Variants in IWS1 observed in about 807,000 individuals in gnomAD.
IWS1 encodes the protein protein IWS1 homolog.
Under a neutral mutation model 86.7 loss-of-function variants are expected in IWS1, and 27 were observed. The observed-to-expected ratio is 0.31, with a 90% CI of 0.23 to 0.43. The LOEUF is 0.43. Ranked by LOEUF, IWS1 falls within the 20% of genes least tolerant of loss-of-function variation. The probability of loss-of-function intolerance (pLI) is 1.00; values close to 1 mark genes in which losing one functional copy is unlikely to be tolerated. For synonymous variants in IWS1, 313 were observed against 335.1 expected (o/e 0.93, Z 0.72); for missense variants, 827 against 1,000.8 (o/e 0.83, Z 2.34).
Position 127,504,754 on chromosome 2 carries a change from C to G in IWS1, c.1149G>C (p.Glu383Asp). ...TCTTCGCTACTTTCTCCTCCTCACC[C>G]TCTTTTTCATCTTCATCACTGTCCA... is the stretch of plus-strand genomic sequence containing the variant. ...QKMDSDEDEK[E>D]GEEEKVAKRK... The change falls in exon 3 of 14, where the codon GAG becomes GAC. Residue 383 changes from glutamate (E) to aspartate (D), a missense_variant. This residue lies in a region of IWS1 where 548 missense variants were observed against 560.2 expected (regional missense o/e 0.98). Coordinates refer to ENST00000295321, the MANE Select transcript of IWS1 (RefSeq NM_017969.3). The G allele has an allele frequency of 6.2e-7, 1 of 1,614,124 alleles. No individual in the cohort carries two copies. Among genetic ancestry groups the G allele is most frequent in the Non-Finnish European group, 8.5e-7 (1 of 1,180,022 alleles).
At chr2:127,526,704 AGATTCTGTGTCC>A, upstream of IWS1, 1 of 1,304,748 alleles carries the variant, frequency 7.7e-7, no homozygotes, top group Non-Finnish European at 1.0e-6. Flanking sequence ...ATCATTTCCT[AGATTCTGTGTCC>A]GTGCCTTGTT....
Position 127,498,157 on chromosome 2 carries a change from G to A in IWS1, c.1548C>T (p.Asn516=). 2 of 1,582,248 alleles carry A rather than the reference G, an allele frequency of 1.3e-6. No individual in the cohort carries two copies. The highest frequency in any genetic ancestry group is 1.7e-6 in the Non-Finnish European group (2 of 1,151,620). ...AAACTTACTGTTTTCCTCTCTTTATGTTATCATCAGAATCTGAATCTTCTG... is the reference window on the plus strand; with the variant it reads ...AAACTTACTGTTTTCCTCTCTTTATATTATCATCAGAATCTGAATCTTCTG... ...KEAEDSDSDD[N]IKRGKHMDFL... is the part of the protein sequence containing the mutation. The change falls in exon 6 of 14, where the codon AAC becomes AAT. Residue 516 remains asparagine (N), a synonymous_variant. Transcript: ENST00000295321.
intron 2 of IWS1, among the ~76,000 whole-genome samples, chr2:127,515,123 T>C (rs1023825361): frequency 1.2e-4 from 18 of 152,378 alleles, no homozygotes; most frequent in African/African-American, 4.3e-4. Context: ...TGTTGAGTAT[T>C]TGTTTCCTTT....
chr2:127,504,166 TTAGA>T (rs1690974730), intron 3 of IWS1, among the ~76,000 whole-genome samples: 1 of 152,254 alleles, frequency 6.6e-6, no homozygotes, highest in Admixed American at 6.5e-5. Flanking sequence ...AAATGGAGTC[TTAGA>T]TAGCAGAGAC....
At chr2:127,521,518 A>G (rs971631383) in intron 2 of IWS1, among the ~76,000 whole-genome samples, 2 of 152,244 alleles carry the variant, frequency 1.3e-5, no homozygotes, top group African/African-American at 4.8e-5. Context: ...CGCATTTCAT[A>G]CATCTAATCT....
chr2:127,505,203 C>A lies in IWS1; in HGVS notation c.700G>T (p.Ala234Ser). ...SESEEPPRHQASDSENEELPK... is the reference protein window; with the variant it reads ...SESEEPPRHQSSDSENEELPK... ...AGCTCCTCATTTTCAGAGTCACTGGCCTGGTGCCTTGGGGGTTCCTCACTT... is the reference window on the plus strand; with the variant it reads ...AGCTCCTCATTTTCAGAGTCACTGGACTGGTGCCTTGGGGGTTCCTCACTT... Residue 234 changes from alanine (A) to serine (S), a missense_variant, in exon 3 of 14, where the codon GCC becomes TCC. This residue lies in a region of IWS1 where 548 missense variants were observed against 560.2 expected (regional missense o/e 0.98). Coordinates refer to ENST00000295321, the MANE Select transcript of IWS1 (RefSeq NM_017969.3). This position sits in a 1 kb window ranked among gnomAD's most constrained non-coding sequence, Gnocchi z 5.0. The A allele has an allele frequency of 6.2e-7, 1 of 1,614,012 alleles. No homozygotes were observed. Among genetic ancestry groups the A allele is most frequent in the Non-Finnish European group, 8.5e-7 (1 of 1,179,964 alleles).
intron 1 of IWS1, among the ~76,000 whole-genome samples, chr2:127,524,790 C>A (rs953330043): frequency 6.6e-6 from 1 of 151,984 alleles, no homozygotes; most frequent in Non-Finnish European, 1.5e-5. Context: ...TGTTTGCCAC[C>A]GTGCTCGGTC....
In IWS1 at chr2:127,505,879, T is replaced by G; in HGVS notation, c.151-127A>C. Reference sequence around the variant, plus strand: ...TATGTGCACCTAAATGGAGAATTCTTGTCCTATACCCATATAGAAACACCC... The same window carrying G: ...TATGTGCACCTAAATGGAGAATTCTGGTCCTATACCCATATAGAAACACCC... On this transcript the variant is annotated intron_variant, in intron 2 of 13. Transcript: ENST00000295321. The surrounding 1 kb of genome is among the most constrained non-coding windows in gnomAD (Gnocchi z 5.0). 9.5e-6 allele frequency: 6 copies of G among 629,236 alleles called. No individual in the cohort carries two copies. The highest frequency in any genetic ancestry group is 1.6e-5 in the Non-Finnish European group (6 of 379,436). 39.0% of individuals were successfully genotyped at this position (629,236 alleles called of 1,614,324 possible). A position where few individuals can be genotyped will look rare whatever the true frequency, so the allele number is the denominator to read the frequency against.
At chr2:127,497,434 A>T (rs1200606167) in intron 6 of IWS1, among the ~76,000 whole-genome samples, 1 of 152,254 alleles carries the variant, frequency 6.6e-6, no homozygotes, top group Non-Finnish European at 1.5e-5. Context: ...AGTGATAGGA[A>T]GTATAACTCT....
chr2:127,487,503 G>C (rs772193315), intron 12 of IWS1, among the ~76,000 whole-genome samples: 5 of 152,182 alleles, frequency 3.3e-5, no homozygotes, highest in Non-Finnish European at 1.5e-5. Context: ...TGGGGATGGG[G>C]AGAGAAGGGT....
intron 10 of IWS1, among the ~76,000 whole-genome samples, chr2:127,491,649 T>C (rs1439990146): frequency 6.6e-6 from 1 of 152,142 alleles, no homozygotes. Context: ...TTCATCGTGT[T>C]AGCTAGGATG....
intron 2 of IWS1, among the ~76,000 whole-genome samples, chr2:127,517,264 G>C (rs956369520): frequency 2.0e-5 from 3 of 152,030 alleles, no homozygotes; most frequent in Admixed American, 6.6e-5. Context: ...AAAATACACA[G>C]GTAACTCCAC....
In IWS1 at chr2:127,486,485, A is replaced by C. The variant is rs568882322; in HGVS notation, c.2328+68T>G. 3.1e-4 allele frequency: 339 copies of C among 1,105,118 alleles called. 1 individual carries two copies. Among genetic ancestry groups the C allele is most frequent in the Non-Finnish European group, 4.3e-4 (310 of 719,114 alleles). The allele number at this position is 1,105,118 out of a possible 1,614,324, so 68.5% of individuals were successfully genotyped here. ...TTCAAGAGCTACAAGGGTTATTAAC[A>C]CATGAAGTAAAGAGTCAAACAGTAA... On this transcript the variant is annotated intron_variant, in intron 13 of 13. Transcript: ENST00000295321.
At chr2:127,504,661 A>T in intron 3 of IWS1, 23 bp downstream of exon 3, 1 of 1,528,986 alleles carries the variant, frequency 6.5e-7, no homozygotes, top group Non-Finnish European at 8.9e-7. Flanking sequence ...GCCATTGATA[A>T]ACAGCCCAAG....
intron 13 of IWS1, among the ~76,000 whole-genome samples, chr2:127,484,884 C>A (rs1689844894): frequency 6.6e-6 from 1 of 152,118 alleles, no homozygotes; most frequent in Non-Finnish European, 1.5e-5. Context: ...GTAGTCCCAG[C>A]TAACTGGGAG....
At chr2:127,492,124 C>G in intron 9 of IWS1, 36 bp from the exon 10 acceptor site, 2 of 1,365,440 alleles carry the variant, frequency 1.5e-6, no homozygotes, top group Non-Finnish European at 2.1e-6. Context: ...ATATTAATCA[C>G]TCGGAAGCTG....
At chr2:127,493,189 A>T (rs1690323346) in intron 9 of IWS1, 92 bp downstream of exon 9, 1 of 1,139,920 alleles carries the variant, frequency 8.8e-7, no homozygotes, top group Non-Finnish European at 1.2e-6. Context: ...TAGCAGAGAT[A>T]ACATATAAAA....
intron 13 of IWS1, 139 bp downstream of exon 13, chr2:127,486,414 G>T: frequency 1.6e-6 from 1 of 619,850 alleles, no homozygotes; most frequent in Non-Finnish European, 3.0e-6. Context: ...TTTGTGGTTT[G>T]GCTAGATAAG....
Position 127,504,966 on chromosome 2 carries a change from T to C in IWS1, c.937A>G (p.Ser313Gly). The change falls in exon 3 of 14, where the codon AGT (serine) becomes GGT (glycine). Residue 313 changes from serine to glycine, a missense_variant. Transcript: ENST00000295321. ...ESEGPQKGPASDSETEDASRH... is the reference protein window; with the variant it reads ...ESEGPQKGPAGDSETEDASRH... ...GACGCATCCTCAGTTTCTGAGTCAC[T>C]GGCAGGCCCCTTCTGAGGCCCCTCA... is the stretch of plus-strand genomic sequence containing the variant. 6.2e-7 allele frequency: 1 copy of C among 1,614,190 alleles called. No individual in the cohort carries two copies.
Sources: gnomAD v4.1 joint callset for allele counts (sites outside exome capture counted in the v4.1 genomes callset) on GRCh38, gnomAD v4.1.1 for gene constraint, gnomAD v4.1.1 regional missense constraint, Gnocchi (gnomAD v3.1) non-coding constraint, MANE v1.5 for transcripts, NCBI Gene and HGNC (gene_info 2026-07-23, HGNC 2026-07-21) for gene names.